The following AKAP12 variants were observed in gnomAD, a reference collection of about 807,000 sequenced individuals.
AKAP12 encodes A-kinase anchoring protein 12, also known as A-kinase anchor protein 12.
AKAP12 carries 32 observed loss-of-function variants against 79.9 expected under a neutral mutation model. That is an observed-to-expected ratio of 0.40 (90% CI 0.30 to 0.54). The LOEUF is 0.54. Among genes scored for constraint, AKAP12 ranks in the 20% least tolerant of loss-of-function variants. The pLI, the probability that AKAP12 is intolerant of heterozygous loss-of-function variation, is 0.48. For synonymous variants in AKAP12, 808 were observed against 857.0 expected (o/e 0.94, Z 1.00); for missense variants, 2,074 against 2,177.0 (o/e 0.95, Z 0.94).
chr6:151,308,967 C>T (rs577264796), intron 3 of AKAP12, among the ~76,000 whole-genome samples: 240 of 152,214 alleles, frequency 1.6e-3, no homozygotes, highest in African/African-American at 5.0e-3. Flanking sequence ...TTCCATCTCC[C>T]GGGTTCAAGC....
At chr6:151,354,045 C>T (rs1322335188) in intron 4 of AKAP12, among the ~76,000 whole-genome samples, 1 of 151,800 alleles carries the variant, frequency 6.6e-6, no homozygotes, top group Non-Finnish European at 1.5e-5. Flanking sequence ...CGTGTTTGAC[C>T]CAAAGGCATA....
chr6:151,343,217 T>TG (rs1351503758), intron 3 of AKAP12, among the ~76,000 whole-genome samples: 4 of 152,120 alleles, frequency 2.6e-5, no homozygotes, highest in African/African-American at 9.6e-5. Flanking sequence ...GAGGGGGAAA[T>TG]GGTTGTGTGA....
chr6:151,324,753 T>A (rs1174819197), intron 3 of AKAP12: 3 of 985,128 alleles, frequency 3.0e-6, no homozygotes, highest in African/African-American at 1.7e-5. Flanking sequence ...TAACAAAAAA[T>A]TGGAGTACAA....
At position 151,312,793 on chromosome 6, in the gene AKAP12, C is replaced by CAAAAAAAAAAAAAAAAAA. The variant is rs55685824; in HGVS notation, c.319+6891_319+6908dup. On this transcript the variant is annotated intron_variant, in intron 3 of 4. Transcript: ENST00000402676. ...GGCTACAAGAGGGAGACTCTGTCTC[C>CAAAAAAAAAAAAAAAAAA]AAAAAAAAAAAAAAAAAAGAATCAT... Among the ~76,000 whole-genome samples the CAAAAAAAAAAAAAAAAAA allele has an allele frequency of 3.9e-3, 283 of 72,952 alleles. 4 individuals carry two copies. Among genetic ancestry groups the CAAAAAAAAAAAAAAAAAA allele is most frequent in the African/African-American group, 7.5e-3 (136 of 18,142 alleles). The allele number at this position is 72,952 out of a possible 152,430, so 47.9% of individuals were successfully genotyped here.
chr6:151,256,516 T>G (rs1348903686), intron 2 of AKAP12, among the ~76,000 whole-genome samples: 1 of 152,162 alleles, frequency 6.6e-6, no homozygotes, highest in South Asian at 2.1e-4. Flanking sequence ...AAAATAATCT[T>G]AAGATATTAA....
At chr6:151,282,231 T>A (rs969108982) in intron 2 of AKAP12, among the ~76,000 whole-genome samples, 38 of 151,966 alleles carry the variant, frequency 2.5e-4, no homozygotes, top group Non-Finnish European at 1.0e-4. Flanking sequence ...TGCCTCAGCC[T>A]CCTGAATAGC....
At position 151,280,928 on chromosome 6, in the gene AKAP12, C is replaced by T. The variant is rs77630112; in HGVS notation, c.163-24819C>T. On this transcript the variant is annotated intron_variant, in intron 2 of 4. Coordinates refer to ENST00000402676, the MANE Select transcript of AKAP12 (RefSeq NM_005100.4). Reference sequence around the variant, plus strand: ...TGAGTTGCAGTTAGCTTGAAACACTCGCGTTTTGCTTTCACTTAGAGAATT... The same window carrying T: ...TGAGTTGCAGTTAGCTTGAAACACTTGCGTTTTGCTTTCACTTAGAGAATT... 2.2e-4 allele frequency among the ~76,000 whole-genome samples: 33 copies of T among 152,230 alleles called. No individual in the cohort carries two copies. In the East Asian group the frequency reaches 4.8e-3, roughly 22 times the overall value.
chr6:151,321,879 T>G (rs558054534), intron 3 of AKAP12, among the ~76,000 whole-genome samples: 63 of 151,362 alleles, frequency 4.2e-4, no homozygotes, highest in African/African-American at 1.5e-3. Context: ...CCCCTGTTTT[T>G]TAAACCAGGC....
intron 2 of AKAP12, among the ~76,000 whole-genome samples, chr6:151,279,251 C>CT (rs898473889): frequency 1.7e-4 from 26 of 152,110 alleles, no homozygotes; most frequent in Admixed American, 1.6e-3. Flanking sequence ...AAAATGTTAT[C>CT]TTTTTTTAAG....
chr6:151,314,029 ATT>A (rs35333537), intron 3 of AKAP12, among the ~76,000 whole-genome samples: 1 of 138,754 alleles, frequency 7.2e-6, no homozygotes, highest in Admixed American at 7.3e-5. Flanking sequence ...GGCTTTTCTA[ATT>A]TTTTTTTTTT....
intron 3 of AKAP12, among the ~76,000 whole-genome samples, chr6:151,347,346 G>A (rs770406993): frequency 6.6e-5 from 10 of 152,200 alleles, no homozygotes; most frequent in Non-Finnish European, 1.0e-4. Context: ...CTTTAGATTT[G>A]TGTAGATACT....
At chr6:151,320,547 T>C (rs1231978054) in intron 3 of AKAP12, among the ~76,000 whole-genome samples, 1 of 152,178 alleles carries the variant, frequency 6.6e-6, no homozygotes, top group Non-Finnish European at 1.5e-5. Flanking sequence ...GGGTCCTTTT[T>C]CAGATTCCTC....
chr6:151,242,337 ATTCTCT>A (rs1460424435), intron 2 of AKAP12, among the ~76,000 whole-genome samples: 1 of 132,980 alleles, frequency 7.5e-6, no homozygotes, highest in Non-Finnish European at 1.8e-5. Flanking sequence ...TATTCCTTCC[ATTCTCT>A]TTTTCCGTCT....
At position 151,349,068 on chromosome 6, in the gene AKAP12, C is replaced by T. The variant is rs1246401865; in HGVS notation, c.677C>T (p.Ala226Val). ...CCCAGCCTTGGGGCTGGAGAAGCAG[C>T]ATCCAAAGAAAGCGAACCCAAACAA... is the stretch of plus-strand genomic sequence containing the variant. ...KDPSLGAGEA[A>V]SKESEPKQST... The change falls in exon 4 of 5, where the codon GCA becomes GTA. Residue 226 changes from alanine (A) to valine (V), a missense_variant. Physicochemically the swap from Ala to Val is moderately conservative, Grantham distance 64. Coordinates refer to ENST00000402676, the MANE Select transcript of AKAP12 (RefSeq NM_005100.4). The T allele has an allele frequency of 1.2e-6, 2 of 1,612,282 alleles. No homozygotes were observed. The highest frequency in any genetic ancestry group is 2.2e-5 in the East Asian group (1 of 44,862).
intron 2 of AKAP12, among the ~76,000 whole-genome samples, chr6:151,278,242 G>C (rs1776324554): frequency 6.6e-6 from 1 of 152,180 alleles, no homozygotes; most frequent in African/African-American, 2.4e-5. Context: ...TTGAGACGGA[G>C]TCTCACTCTG....
At chr6:151,258,716 G>A (rs948477544) in intron 2 of AKAP12, among the ~76,000 whole-genome samples, 1 of 151,686 alleles carries the variant, frequency 6.6e-6, no homozygotes, top group Non-Finnish European at 1.5e-5. Flanking sequence ...CACTATCTTG[G>A]CTCCTGGGTT....
chr6:151,254,789 C>A (rs1403110721), intron 2 of AKAP12, among the ~76,000 whole-genome samples: 2 of 152,188 alleles, frequency 1.3e-5, no homozygotes, highest in East Asian at 3.8e-4. Context: ...CTGAAGAGGG[C>A]TTACAATTTT....
rs533872482 is a variant in AKAP12, at chr6:151,276,111, T to C, written c.163-29636T>C. Reference sequence around the variant, plus strand: ...ATTGGAGTTTTGTGTGTAAACATACTTTTGGTGTAGTTTTGAGCCTAAGGA... The same window carrying C: ...ATTGGAGTTTTGTGTGTAAACATACCTTTGGTGTAGTTTTGAGCCTAAGGA... On this transcript the variant is annotated intron_variant, in intron 2 of 4. Transcript: ENST00000402676. 2.2e-4 allele frequency among the ~76,000 whole-genome samples: 34 copies of C among 152,348 alleles called. No individual in the cohort carries two copies. The South Asian group carries it at 6.2e-3, about 28-fold the overall frequency.
intron 3 of AKAP12, among the ~76,000 whole-genome samples, chr6:151,309,971 TGAAAAAAAAAAAAA>T (rs1777054593): frequency 8.0e-6 from 1 of 125,634 alleles, no homozygotes; most frequent in Non-Finnish European, 1.7e-5. Flanking sequence ...ACCGAAAAGA[TGAAAAAAAAAAAAA>T]GAAAAAGAAA....
Sources: allele counts gnomAD v4.1 joint callset (sites outside exome capture counted in the v4.1 genomes callset), GRCh38; gene constraint gnomAD v4.1.1; transcripts MANE v1.5; gene names NCBI Gene and HGNC (gene_info 2026-07-23, HGNC 2026-07-21).